The following FSTL5 variants were observed in gnomAD, a reference collection of about 807,000 sequenced individuals.
The protein encoded by FSTL5 is follistatin like 5.
Under a neutral mutation model 89.1 loss-of-function variants are expected in FSTL5, and 62 were observed. The ratio of observed to expected loss-of-function variants is 0.70; its 90% CI spans 0.57 to 0.86. The LOEUF (loss-of-function observed/expected upper bound fraction) is 0.86. FSTL5 is among the 40% of genes least tolerant of loss of function. The pLI, the probability that FSTL5 is intolerant of heterozygous loss-of-function variation, is 0.00. For synonymous variants in FSTL5, 383 were observed against 346.2 expected (o/e 1.11, Z -1.18); for missense variants, 1,057 against 1,001.6 (o/e 1.06, Z -0.75).
intron 3 of FSTL5, among the ~76,000 whole-genome samples, chr4:161,962,971 A>G (rs777456510): frequency 4.6e-5 from 7 of 151,984 alleles, no homozygotes; most frequent in Admixed American, 2.6e-4. Context: ...CTCTAAGCAC[A>G]AGCTTTGGGG....
chr4:161,988,493 T>G (rs1324836838), intron 3 of FSTL5, among the ~76,000 whole-genome samples: 2 of 152,156 alleles, frequency 1.3e-5, no homozygotes, highest in South Asian at 4.1e-4. Context: ...AGGAAATTTT[T>G]AATCAGTTAA....
intron 6 of FSTL5, among the ~76,000 whole-genome samples, chr4:161,731,519 C>T (rs544537430): frequency 6.6e-6 from 1 of 151,996 alleles, no homozygotes; most frequent in Non-Finnish European, 1.5e-5. Context: ...GTAAGATGTA[C>T]TAGCTTCCCT....
intron 6 of FSTL5, among the ~76,000 whole-genome samples, chr4:161,751,227 T>TA (rs373118732): frequency 1.6e-4 from 24 of 151,376 alleles, no homozygotes; most frequent in South Asian, 4.2e-4. Context: ...ACCTAAGACT[T>TA]AAAAAAAAAT....
At chr4:162,033,930 C>T (rs563527582) in intron 2 of FSTL5, among the ~76,000 whole-genome samples, 23 of 152,232 alleles carry the variant, frequency 1.5e-4, no homozygotes, top group Non-Finnish European at 2.5e-4. Context: ...TCTCAAGTAG[C>T]TGGAACTACA....
chr4:161,949,506 C>T (rs1339911621), intron 3 of FSTL5, among the ~76,000 whole-genome samples: 1 of 151,920 alleles, frequency 6.6e-6, no homozygotes, highest in African/African-American at 2.4e-5. Context: ...CAATGGTTTA[C>T]TGCATTTTAC....
chr4:161,598,829 C>A (rs2126621419), intron 7 of FSTL5, among the ~76,000 whole-genome samples: 1 of 151,576 alleles, frequency 6.6e-6, no homozygotes, highest in East Asian at 1.9e-4. Flanking sequence ...ACACAAAAAT[C>A]AAGAGCAAAG....
At chr4:162,101,908 G>A in intron 2 of FSTL5, among the ~76,000 whole-genome samples, 1 of 152,106 alleles carries the variant, frequency 6.6e-6, no homozygotes, top group Non-Finnish European at 1.5e-5. Flanking sequence ...CTTGCCAATG[G>A]ATCAATATCA....
In FSTL5 at chr4:161,542,694, C is replaced by A. The variant is rs1369375778; in HGVS notation, c.1016-1G>T. On this transcript the variant is annotated splice_acceptor_variant, in intron 8 of 15. Transcript: ENST00000306100. LOFTEE classifies it high-confidence loss of function. ...GGATACACCCGGATGACTGGAGGAA[C>A]TAAAGGAAAAAATGAAAGAGAAAGT... 4 of 1,434,718 alleles carry A rather than the reference C, an allele frequency of 2.8e-6. No homozygotes were observed. The highest frequency in any genetic ancestry group is 3.7e-6 in the Non-Finnish European group (4 of 1,088,852). 88.9% of individuals were successfully genotyped at this position (1,434,718 alleles called of 1,614,324 possible).
chr4:161,599,587 A>G (rs183607111), intron 7 of FSTL5, among the ~76,000 whole-genome samples: 1 of 152,314 alleles, frequency 6.6e-6, no homozygotes, highest in African/African-American at 2.4e-5. Context: ...AAATACATGC[A>G]GAAAACCACT....
At chr4:161,882,297 G>A (rs1250981833) in intron 4 of FSTL5, among the ~76,000 whole-genome samples, 3 of 151,982 alleles carry the variant, frequency 2.0e-5, no homozygotes, top group Non-Finnish European at 4.4e-5. Flanking sequence ...ACCTTAAATT[G>A]TTTCTCTTTA....
At chr4:161,775,249 A>G (rs549611406) in intron 5 of FSTL5, among the ~76,000 whole-genome samples, 11 of 152,292 alleles carry the variant, frequency 7.2e-5, no homozygotes, top group Non-Finnish European at 1.5e-4. Context: ...TCAAGAAGTC[A>G]GCAAAATCAT....
intron 2 of FSTL5, among the ~76,000 whole-genome samples, chr4:162,070,905 T>A (rs1729593080): frequency 6.6e-6 from 1 of 151,642 alleles, no homozygotes; most frequent in African/African-American, 2.4e-5. Context: ...AATTTTTAAG[T>A]GAGTTTTACA....
intron 8 of FSTL5, among the ~76,000 whole-genome samples, chr4:161,565,986 C>T (rs1012024248): frequency 1.3e-5 from 2 of 150,686 alleles, no homozygotes; most frequent in African/African-American, 2.4e-5. Flanking sequence ...TTTGAGAAAT[C>T]GCCACAGTTT....
chr4:161,712,833 C>G (rs1480954098), intron 6 of FSTL5, among the ~76,000 whole-genome samples: 2 of 152,010 alleles, frequency 1.3e-5, no homozygotes, highest in Non-Finnish European at 2.9e-5. Flanking sequence ...GGCTTGACCC[C>G]TCACCCCCCT....
chr4:161,538,932 T>A (rs988772252), intron 9 of FSTL5, among the ~76,000 whole-genome samples: 1 of 151,714 alleles, frequency 6.6e-6, no homozygotes, highest in African/African-American at 2.4e-5. Flanking sequence ...CCGGGCTAAT[T>A]TTTTGTATCT....
intron 4 of FSTL5, among the ~76,000 whole-genome samples, chr4:161,868,009 A>G (rs1317890857): frequency 1.3e-5 from 2 of 152,134 alleles, no homozygotes; most frequent in Admixed American, 6.6e-5. Flanking sequence ...AGCATGATAC[A>G]AATGTATCTA....
Position 161,562,677 on chromosome 4 carries a change from T to G in FSTL5, c.1016-19984A>C, listed in dbSNP as rs373208445. 7.4e-4 allele frequency among the ~76,000 whole-genome samples: 113 copies of G among 151,994 alleles called. 2 individuals are homozygous for G. The South Asian group carries it at 0.022, about 30-fold the overall frequency. On this transcript the variant is annotated intron_variant, in intron 8 of 15. Coordinates refer to ENST00000306100, the MANE Select transcript of FSTL5 (RefSeq NM_020116.5). ...CAGATCTATTTGATTTTTTTCAACC[T>G]TGTTTATTGTGGCAAAATACCCATA...
chr4:162,078,775 C>G (rs1169495702), intron 2 of FSTL5, among the ~76,000 whole-genome samples: 3 of 151,714 alleles, frequency 2.0e-5, no homozygotes, highest in Non-Finnish European at 2.9e-5. Flanking sequence ...CTATGAGTGT[C>G]AAGGGAACCA....
chr4:161,534,853 T>C (rs112852288), intron 10 of FSTL5, among the ~76,000 whole-genome samples: 3,749 of 152,106 alleles, frequency 0.025, 157 homozygotes, highest in African/African-American at 0.085. Context: ...CAAAACAGCA[T>C]GGTACTGGTA....
Sources: allele counts gnomAD v4.1 joint callset (sites outside exome capture counted in the v4.1 genomes callset), GRCh38; gene constraint gnomAD v4.1.1; transcripts MANE v1.5; gene names NCBI Gene and HGNC (gene_info 2026-07-23, HGNC 2026-07-21).